The following PAFAH1B1 variants were observed in gnomAD, a reference collection of about 807,000 sequenced individuals.
PAFAH1B1 encodes platelet-activating factor acetylhydrolase IB subunit beta.
PAFAH1B1 carries 2 observed loss-of-function variants against 57.5 expected under a neutral mutation model. The observed-to-expected ratio is 0.03, with a 90% CI of 0.01 to 0.11. The LOEUF (loss-of-function observed/expected upper bound fraction) is 0.11, where lower values mean the gene tolerates loss of function less well. Ranked by LOEUF, PAFAH1B1 falls within the 10% of genes least tolerant of loss-of-function variation. PAFAH1B1 has a pLI of 1.00. For synonymous variants in PAFAH1B1, 152 were observed against 169.6 expected (o/e 0.90, Z 0.81); for missense variants, 257 against 512.0 (o/e 0.50, Z 4.81).
In PAFAH1B1 at chr17:2,682,409, C is replaced by T. The variant is rs372042235; in HGVS notation, c.*607C>T. 1 of 152,592 alleles carries T rather than the reference C, an allele frequency of 6.6e-6. No individual in the cohort carries two copies. The highest frequency in any genetic ancestry group is 1.5e-5 in the Non-Finnish European group (1 of 68,052). The allele number at this position is 152,592 out of a possible 1,614,324, so 9.5% of individuals were successfully genotyped here. On this transcript the variant is annotated 3_prime_UTR_variant, in exon 11 of 11. Transcript: ENST00000397195. ...ATATATTTGTTTTGGCAGCCTATCA[C>T]GCAGAGGCTAGTGGTATATTTATGT... is the stretch of plus-strand genomic sequence containing the variant.
chr17:2,627,360 C>CT (rs1336297464), intron 1 of PAFAH1B1, among the ~76,000 whole-genome samples: 3 of 152,126 alleles, frequency 2.0e-5, no homozygotes, highest in African/African-American at 7.2e-5. Flanking sequence ...CCTTTCCCTA[C>CT]TTTATGTGTT....
chr17:2,650,307 T>C (rs2068831228), intron 2 of PAFAH1B1, among the ~76,000 whole-genome samples: 1 of 151,512 alleles, frequency 6.6e-6, no homozygotes, highest in Admixed American at 6.6e-5. Context: ...AGGTCAGGAG[T>C]TCAAGACCAG....
In PAFAH1B1 at chr17:2,598,598, C is replaced by CT. The variant is rs753116217; in HGVS notation, c.-191+4607dup. ...TATGTCATCTACAGTACAACTATTA[C>CT]TTTTTTTTTTTTTTTACTTAGAAAG... On this transcript the variant is annotated intron_variant, in intron 1 of 10. Transcript: ENST00000397195. 3.8e-3 allele frequency among the ~76,000 whole-genome samples: 531 copies of CT among 140,542 alleles called. 2 individuals carry two copies. Among genetic ancestry groups the CT allele is most frequent in the Middle Eastern group, 7.2e-3 (2 of 276 alleles). 92.2% of individuals were successfully genotyped at this position (140,542 alleles called of 152,430 possible).
At chr17:2,644,557 AT>A (rs995852465) in intron 2 of PAFAH1B1, among the ~76,000 whole-genome samples, 2 of 152,174 alleles carry the variant, frequency 1.3e-5, no homozygotes, top group African/African-American at 4.8e-5. Context: ...AAATAAATAA[AT>A]AAATAAAACA....
chr17:2,678,113 C>T lies in PAFAH1B1; in HGVS notation c.1002+1507C>T, dbSNP rs978208687. 4.7e-5 allele frequency among the ~76,000 whole-genome samples: 7 copies of T among 150,486 alleles called. No homozygotes were observed. The East Asian group carries it at 5.9e-4, about 13-fold the overall frequency. ...CTCTACTAAAATTACAAAAATTAGC[C>T]GGGCGTGGCCAGGCGCGGTGGCTCA... On this transcript the variant is annotated intron_variant, in intron 9 of 10. Coordinates refer to ENST00000397195, the MANE Select transcript of PAFAH1B1 (RefSeq NM_000430.4).
At chr17:2,608,475 C>T (rs2068230534) in intron 1 of PAFAH1B1, among the ~76,000 whole-genome samples, 1 of 152,128 alleles carries the variant, frequency 6.6e-6, no homozygotes, top group African/African-American at 2.4e-5. Context: ...CTGCAGTGAA[C>T]ATAAGGAAGG....
intron 1 of PAFAH1B1, among the ~76,000 whole-genome samples, chr17:2,618,954 CAAAA>C (rs34683975): frequency 1.9e-3 from 146 of 76,244 alleles, no homozygotes; most frequent in African/African-American, 6.6e-3. Context: ...GACTCCGTCT[CAAAA>C]AAAAAAAAAA....
rs1260386427 is a variant in PAFAH1B1, at chr17:2,651,916, A to G, written c.33-13456A>G. On this transcript the variant is annotated intron_variant, in intron 2 of 10. Transcript: ENST00000397195. ...GTTGTATATTCTGTTGGTTTTGACA[A>G]ATGCCTAATGTTATATATCCATCAG... Among the ~76,000 whole-genome samples, 3 of 152,154 alleles carry G rather than the reference A, an allele frequency of 2.0e-5. No individual in the cohort carries two copies. The East Asian group carries it at 5.8e-4, about 29-fold the overall frequency.
chr17:2,594,261 C>T (rs2068058501), intron 1 of PAFAH1B1, among the ~76,000 whole-genome samples: 1 of 152,220 alleles, frequency 6.6e-6, no homozygotes, highest in Admixed American at 6.5e-5. Context: ...CTCCTCTCCT[C>T]CCGGGCCCGG....
chr17:2,646,497 A>G (rs2068771011), intron 2 of PAFAH1B1, among the ~76,000 whole-genome samples: 2 of 152,152 alleles, frequency 1.3e-5, no homozygotes, highest in African/African-American at 4.8e-5. Context: ...TACTAAAAAT[A>G]CAAAAATTAG....
At chr17:2,651,086 TTA>T (rs1281523636) in intron 2 of PAFAH1B1, among the ~76,000 whole-genome samples, 1 of 152,166 alleles carries the variant, frequency 6.6e-6, no homozygotes, top group African/African-American at 2.4e-5. Context: ...CATCTGGAAT[TTA>T]TGTTTGTTGA....
intron 6 of PAFAH1B1, among the ~76,000 whole-genome samples, chr17:2,671,375 ATT>A (rs1305752910): frequency 6.6e-6 from 1 of 151,598 alleles, no homozygotes; most frequent in Non-Finnish European, 1.5e-5. Context: ...CGCCCGTCTA[ATT>A]TTTGTATTTT....
intron 1 of PAFAH1B1, among the ~76,000 whole-genome samples, chr17:2,595,960 A>G (rs777937731): frequency 3.3e-5 from 5 of 152,164 alleles, no homozygotes; most frequent in Non-Finnish European, 7.3e-5. Context: ...AAGCTGTGAA[A>G]TGCTGTATTG....
intron 2 of PAFAH1B1, among the ~76,000 whole-genome samples, chr17:2,656,871 GTCTGTT>G (rs58240464): frequency 0.58 from 87,131 of 151,172 alleles, 27,624 homozygotes; most frequent in East Asian, 0.87. Context: ...GTCCTACATA[GTCTGTT>G]TCTGTTTCTA....
At chr17:2,678,086 G>A (rs1172443072) in intron 9 of PAFAH1B1, among the ~76,000 whole-genome samples, 2 of 150,906 alleles carry the variant, frequency 1.3e-5, no homozygotes, top group Non-Finnish European at 3.0e-5. Flanking sequence ...GTGAAACCCC[G>A]TCTCTACTAA....
chr17:2,617,813 G>A (rs1397911150), intron 1 of PAFAH1B1, among the ~76,000 whole-genome samples: 1 of 150,446 alleles, frequency 6.6e-6, no homozygotes, highest in African/African-American at 2.4e-5. Flanking sequence ...CCAGCTACTC[G>A]GGAGGCTGAG....
chr17:2,607,968 A>G (rs900733174), intron 1 of PAFAH1B1, among the ~76,000 whole-genome samples: 2 of 152,128 alleles, frequency 1.3e-5, no homozygotes, highest in African/African-American at 4.8e-5. Flanking sequence ...TGAATATTCT[A>G]CTGTATATCT....
rs2069413795 is a variant in PAFAH1B1 at position 2,683,273 on chromosome 17, A to G, written c.*1471A>G. ...AGCACTATTCCATTGTCAGTTATTA[A>G]TAAAGAATTCCATTGCTTAGCTAAC... On this transcript the variant is annotated 3_prime_UTR_variant, in exon 11 of 11. Coordinates refer to ENST00000397195, the MANE Select transcript of PAFAH1B1 (RefSeq NM_000430.4). The G allele has an allele frequency of 6.6e-6, 1 of 152,374 alleles. No homozygotes were observed. The highest frequency in any genetic ancestry group is 6.5e-5 in the Admixed American group (1 of 15,308). 9.4% of individuals were successfully genotyped at this position (152,374 alleles called of 1,614,324 possible).
intron 8 of PAFAH1B1, among the ~76,000 whole-genome samples, chr17:2,675,881 A>G (rs900236799): frequency 1.3e-5 from 2 of 152,268 alleles, no homozygotes; most frequent in African/African-American, 2.4e-5. Context: ...AAAAAAATAA[A>G]TAAGTAAATT....
Sources: allele counts gnomAD v4.1 joint callset (sites outside exome capture counted in the v4.1 genomes callset), GRCh38; gene constraint gnomAD v4.1.1; transcripts MANE v1.5; gene names NCBI Gene and HGNC (gene_info 2026-07-23, HGNC 2026-07-21).